The following NFATC2IP variants were observed in gnomAD, a reference collection of about 807,000 sequenced individuals.
NFATC2IP encodes NFATC2-interacting protein.
NFATC2IP carries 25 observed loss-of-function variants against 40.2 expected under a neutral mutation model. The ratio of observed to expected loss-of-function variants is 0.62; its 90% CI spans 0.45 to 0.87. NFATC2IP has a LOEUF of 0.87. Ranked by LOEUF, NFATC2IP falls within the 40% of genes least tolerant of loss-of-function variation. The probability of loss-of-function intolerance (pLI) is 0.00; values close to 1 mark genes in which losing one functional copy is unlikely to be tolerated. For missense variants in NFATC2IP, 553 were observed against 555.6 expected (o/e 1.00, Z 0.05); for synonymous variants, 241 against 236.3 (o/e 1.02, Z -0.18).
intron 3 of NFATC2IP, among the ~76,000 whole-genome samples, chr16:28,955,363 G>T (rs1965008923): frequency 6.6e-6 from 1 of 152,146 alleles, no homozygotes; most frequent in Non-Finnish European, 1.5e-5. Flanking sequence ...AATCACTTGA[G>T]CCCAGGAGTT....
chr16:28,961,325 GAAAAAAAAAA>G (rs138576594), intron 7 of NFATC2IP, among the ~76,000 whole-genome samples: 10 of 52,254 alleles, frequency 1.9e-4, no homozygotes, highest in Admixed American at 2.7e-4. Context: ...GACCCTATCT[GAAAAAAAAAA>G]AAAAAAAAAA....
At position 28,956,164 on chromosome 16, in the gene NFATC2IP, C is replaced by T. The variant is rs753955832; in HGVS notation, c.673C>T (p.Arg225Cys). ...TCTGCACTGCAGTGAGGTGAACAAG[C>T]GCCTCCAGGATCTCCGTTCCTGTCT... Reference protein sequence around the residue: ...ALKKLSEVNKRLQDLRSCLSP... With the variant: ...ALKKLSEVNKCLQDLRSCLSP... Residue 225 changes from arginine to cysteine, a missense_variant, in exon 5 of 8, where the codon CGC (arginine) becomes TGC (cysteine). Arg to Cys is a radical substitution (Grantham distance 180). Transcript: ENST00000320805. 4.6e-5 allele frequency: 75 copies of T among 1,613,880 alleles called. No individual in the cohort carries two copies. The highest frequency in any genetic ancestry group is 5.8e-5 in the Non-Finnish European group (68 of 1,179,958).
intron 2 of NFATC2IP, among the ~76,000 whole-genome samples, chr16:28,953,206 C>T (rs1227925044): frequency 6.6e-6 from 1 of 151,878 alleles, no homozygotes; most frequent in African/African-American, 2.4e-5. Flanking sequence ...TCCCGAGTAG[C>T]AGGGATTACA....
intron 1 of NFATC2IP, 34 bp from the exon 2 acceptor site, chr16:28,952,098 G>T: frequency 6.2e-7 from 1 of 1,613,150 alleles, no homozygotes; most frequent in Non-Finnish European, 8.5e-7. Flanking sequence ...GGAAGGACTT[G>T]GGCCTGACCC....
chr16:28,963,071 A>G (rs1287646125), intron 7 of NFATC2IP, among the ~76,000 whole-genome samples: 1 of 152,142 alleles, frequency 6.6e-6, no homozygotes, highest in Non-Finnish European at 1.5e-5. Context: ...AGTTGCAGCT[A>G]CTCAGGAGGC....
At chr16:28,961,172 A>C (rs755280302) in intron 7 of NFATC2IP, among the ~76,000 whole-genome samples, 1 of 151,930 alleles carries the variant, frequency 6.6e-6, no homozygotes, top group Non-Finnish European at 1.5e-5. Context: ...TACAAAAAAT[A>C]CAAAAATTAG....
rs2141645192 is a variant in NFATC2IP at position 28,958,972 on chromosome 16, C to T, written c.992-19C>T. 1 of 1,609,394 alleles carries T rather than the reference C, an allele frequency of 6.2e-7. No homozygotes were observed. The highest frequency in any genetic ancestry group is 8.5e-7 in the Non-Finnish European group (1 of 1,175,806). On this transcript the variant is annotated intron_variant, in intron 6 of 7. Transcript: ENST00000320805. ...CAAGCCCCCACTTAGCCCTGGCTTC[C>T]TGATTCTGCCTCCCACAGACTGTGT...
chr16:28,961,590 T>C (rs1001183244), intron 7 of NFATC2IP, among the ~76,000 whole-genome samples: 8 of 151,940 alleles, frequency 5.3e-5, no homozygotes, highest in African/African-American at 1.9e-4. Context: ...TTTTTTTCTT[T>C]TCTTTTGAAA....
At chr16:28,960,322 T>C (rs1348222112) in intron 7 of NFATC2IP, among the ~76,000 whole-genome samples, 1 of 152,148 alleles carries the variant, frequency 6.6e-6, no homozygotes, top group Non-Finnish European at 1.5e-5. Flanking sequence ...CTTAACACAC[T>C]GTTCTCTAGC....
rs1377699340 is a variant in NFATC2IP, at chr16:28,964,125, G to A, written c.*262G>A. 2.2e-6 allele frequency: 1 copy of A among 453,488 alleles called. No individual in the cohort carries two copies. Among genetic ancestry groups the A allele is most frequent in the African/African-American group, 1.9e-5 (1 of 51,462 alleles). The allele number at this position is 453,488 out of a possible 1,614,324, so 28.1% of individuals were successfully genotyped here. A position where few individuals can be genotyped will look rare whatever the true frequency, so the allele number is the denominator to read the frequency against. On this transcript the variant is annotated 3_prime_UTR_variant, in exon 8 of 8. Coordinates refer to ENST00000320805, the MANE Select transcript of NFATC2IP (RefSeq NM_032815.4). ...AGTTTTGCAGCCTCTGTGACTTGGA[G>A]ATGTCCCTTCACCCCTCCCCTTTCA...
intron 7 of NFATC2IP, among the ~76,000 whole-genome samples, chr16:28,962,830 C>T (rs556250906): frequency 4.8e-4 from 73 of 152,328 alleles, no homozygotes; most frequent in Non-Finnish European, 9.3e-4. Context: ...GCACTCCATT[C>T]TGCCTCTGTC....
intron 2 of NFATC2IP, among the ~76,000 whole-genome samples, chr16:28,954,112 C>T (rs967885208): frequency 5.3e-5 from 8 of 152,022 alleles, no homozygotes; most frequent in African/African-American, 1.9e-4. Context: ...AGTATTATAC[C>T]TCAGCCCCCT....
Position 28,951,248 on chromosome 16 carries a change from G to A in NFATC2IP, c.237G>A (p.Pro79=). 1 of 1,494,708 alleles carries A rather than the reference G, an allele frequency of 6.7e-7. No homozygotes were observed. The highest frequency in any genetic ancestry group is 9.0e-7 in the Non-Finnish European group (1 of 1,116,648). The allele number at this position is 1,494,708 out of a possible 1,614,324, so 92.6% of individuals were successfully genotyped here. ...DEVEVEPPEP[P]GPVASRDNSN... is the part of the protein sequence containing the mutation. ...TTGAGGTGGAGCCCCCGGAGCCCCC[G>A]GGGCCGGTCGCGTCCCGGGATAACA... The change falls in exon 1 of 8, where the codon CCG becomes CCA. Residue 79 remains proline (P), a synonymous_variant. Transcript: ENST00000320805.
chr16:28,952,259 T>C lies in NFATC2IP; in HGVS notation c.460+55T>C, dbSNP rs1964974793. 1.9e-6 allele frequency: 3 copies of C among 1,609,222 alleles called. No homozygotes were observed. The East Asian group carries it at 6.7e-5, about 36-fold the overall frequency. ...CAGCCGCTGGCTTCTCTTAAGAGAA[T>C]TCCTGGGGTTTATATTCCTGCAGTC... On this transcript the variant is annotated intron_variant, in intron 2 of 7. Transcript: ENST00000320805.
intron 5 of NFATC2IP, chr16:28,957,539 AG>A (rs1965035137): frequency 6.6e-6 from 1 of 151,968 alleles, no homozygotes; most frequent in South Asian, 2.1e-4. Context: ...GCGACTTGGG[AG>A]GCTGATGCAA....
At chr16:28,962,695 T>TA (rs1323576863) in intron 7 of NFATC2IP, among the ~76,000 whole-genome samples, 6 of 152,176 alleles carry the variant, frequency 3.9e-5, no homozygotes, top group Admixed American at 3.3e-4. Context: ...CCAGGAAACA[T>TA]ACAAAGACCA....
chr16:28,961,942 T>C lies in NFATC2IP; in HGVS notation c.1102-1763T>C, dbSNP rs183217777. On this transcript the variant is annotated intron_variant, in intron 7 of 7. Transcript: ENST00000320805. ...AAAAAAAGACAGGGTCTTGCTCTGT[T>C]GCCCAGGCTGGAGTGCAGTGGTGCG... Among the ~76,000 whole-genome samples, 181 of 149,888 alleles carry C rather than the reference T, an allele frequency of 1.2e-3. 1 individual carries two copies. The East Asian group carries it at 0.035, about 29-fold the overall frequency.
intron 7 of NFATC2IP, among the ~76,000 whole-genome samples, chr16:28,960,825 C>A (rs1206087752): frequency 1.3e-5 from 2 of 152,134 alleles, no homozygotes; most frequent in African/African-American, 4.8e-5. Context: ...TCCTCATTTC[C>A]TCCAGAGACC....
intron 7 of NFATC2IP, among the ~76,000 whole-genome samples, chr16:28,959,571 A>ATTTTTTTT (rs61432973): frequency 8.7e-6 from 1 of 114,644 alleles, no homozygotes; most frequent in Non-Finnish European, 1.7e-5. Context: ...TGGTGCAGTC[A>ATTTTTTTT]TTTTTTTTTT....
Sources: gnomAD v4.1 joint callset for allele counts (sites outside exome capture counted in the v4.1 genomes callset) on GRCh38, gnomAD v4.1.1 for gene constraint, MANE v1.5 for transcripts, NCBI Gene and HGNC (gene_info 2026-07-23, HGNC 2026-07-21) for gene names.